The following ANKRD50 variants were observed in gnomAD, a reference collection of about 807,000 sequenced individuals.
The protein encoded by ANKRD50 is ankyrin repeat domain 50.
Under a neutral mutation model 112.0 loss-of-function variants are expected in ANKRD50, and 40 were observed. The observed-to-expected ratio is 0.36, with a 90% CI of 0.28 to 0.46. The LOEUF (loss-of-function observed/expected upper bound fraction) is 0.46, where lower values mean the gene tolerates loss of function less well. ANKRD50 is among the 20% of genes least tolerant of loss of function. ANKRD50 has a pLI of 1.00. For synonymous variants in ANKRD50, 613 were observed against 619.1 expected, an observed-to-expected ratio of 0.99 and a Z score of 0.15; for missense variants, 1,487 against 1,701.7, an observed-to-expected ratio of 0.87 and a Z score of 2.22.
At position 124,671,736 on chromosome 4, in the gene ANKRD50, G is replaced by A; in HGVS notation, c.1541C>T (p.Thr514Ile). 6.2e-7 allele frequency: 1 copy of A among 1,613,868 alleles called. No individual in the cohort carries two copies. Among genetic ancestry groups the A allele is most frequent in the Non-Finnish European group, 8.5e-7 (1 of 1,179,856 alleles). Residue 514 changes from threonine (T) to isoleucine (I), a missense_variant, in exon 4 of 5, where the codon ACA (threonine) becomes ATA (isoleucine). Thr to Ile is a moderately conservative substitution (Grantham distance 89, BLOSUM62 -1). This residue lies in a region of ANKRD50 where 1,046 missense variants were observed against 1,269.5 expected (regional missense o/e 0.82). Transcript: ENST00000504087. ...GAHVNSEDDR[T>I]SCIVRQALER... is the part of the protein sequence containing the mutation. ...TAAGGCTTGTCGAACTATGCATGAT[G>A]TGCGATCGTCTTCACTGTTGACATG...
chr4:124,684,313 A>G (rs1306938786), intron 2 of ANKRD50, among the ~76,000 whole-genome samples: 6 of 152,162 alleles, frequency 3.9e-5, no homozygotes, highest in South Asian at 2.1e-4. Flanking sequence ...AAGTCTCCTT[A>G]TGCGTCAGAG....
rs527730688 is a variant in ANKRD50 at position 124,685,642 on chromosome 4, C to T, written c.513-6737G>A. ...TTATCACAATCATACAAAGATAACA[C>T]TGTATTTAAAAGCAACGGTATTGTA... On this transcript the variant is annotated intron_variant, in intron 2 of 4. Transcript: ENST00000504087. Among the ~76,000 whole-genome samples, 3 of 151,964 alleles carry T rather than the reference C, an allele frequency of 2.0e-5. No homozygotes were observed. The South Asian group carries it at 6.2e-4, about 32-fold the overall frequency.
chr4:124,675,500 T>C (rs540455721), intron 3 of ANKRD50, among the ~76,000 whole-genome samples: 4 of 151,872 alleles, frequency 2.6e-5, no homozygotes, highest in African/African-American at 9.6e-5. Flanking sequence ...ACTGAAAGGT[T>C]TGTCAATGTT....
Position 124,672,303 on chromosome 4 carries a change from T to C in ANKRD50, c.974A>G (p.Asp325Gly). The C allele has an allele frequency of 1.2e-6, 2 of 1,613,542 alleles. No homozygotes were observed. The highest frequency in any genetic ancestry group is 1.7e-6 in the Non-Finnish European group (2 of 1,179,764). ...TAAACCATTTAGAGTTCCTGGGATG[T>C]CACGAATTTCTCTTAACATAATAAA... The part of the protein sequence containing the change: ...ENFIMLREIR[D>G]IPGTLNGLYL... Residue 325 changes from aspartate to glycine, a missense_variant, in exon 4 of 5, where the codon GAC (aspartate) becomes GGC (glycine). Around this residue, in one of 2 missense-constraint regions of ANKRD50, gnomAD observed 1,046 missense variants for 1,269.5 expected, o/e 0.82. Transcript: ENST00000504087.
intron 2 of ANKRD50, among the ~76,000 whole-genome samples, chr4:124,697,274 G>GT (rs1725275618): frequency 6.6e-6 from 1 of 152,132 alleles, no homozygotes; most frequent in Non-Finnish European, 1.5e-5. Context: ...TGAGCTTCAT[G>GT]TAAGAAGCAA....
intron 2 of ANKRD50, among the ~76,000 whole-genome samples, chr4:124,709,694 A>C (rs971159396): frequency 6.7e-6 from 1 of 150,198 alleles, no homozygotes; most frequent in African/African-American, 2.5e-5. Context: ...CAGACAGCTA[A>C]ATGTGCTTCT....
chr4:124,664,740 C>G lies in ANKRD50; in HGVS notation c.*2778G>C, dbSNP rs1278406274. 1 of 152,168 alleles carries G rather than the reference C, an allele frequency of 6.6e-6. No individual in the cohort carries two copies. The highest frequency in any genetic ancestry group is 1.5e-5 in the Non-Finnish European group (1 of 67,878). The allele number at this position is 152,168 out of a possible 1,614,324, so 9.4% of individuals were successfully genotyped here. A position where few individuals can be genotyped will look rare whatever the true frequency, so the allele number is the denominator to read the frequency against. On this transcript the variant is annotated 3_prime_UTR_variant, in exon 5 of 5. Coordinates refer to ENST00000504087, the MANE Select transcript of ANKRD50 (RefSeq NM_020337.3). ...AAAACAATATTGAGAAAAGTATTTA[C>G]TTCTGTTTTTTAAGTATCAAACTAT...
At position 124,671,801 on chromosome 4, in the gene ANKRD50, C is replaced by T. The variant is rs1293553270; in HGVS notation, c.1476G>A (p.Lys492=). ...VRDSLSTLIP[K]EQEVLQLLVK... ...CCAACAGCTGTAGCACTTCTTGTTC[C>T]TTGGGTATCAAAGTAGAAAGGGAAT... Residue 492 remains lysine (K), a synonymous_variant, in exon 4 of 5, where the codon AAG becomes AAA. Transcript: ENST00000504087. 1 of 1,613,728 alleles carries T rather than the reference C, an allele frequency of 6.2e-7. No homozygotes were observed. Among genetic ancestry groups the T allele is most frequent in the African/African-American group, 1.3e-5 (1 of 74,856 alleles).
At chr4:124,690,529 A>G (rs1560826893) in intron 2 of ANKRD50, among the ~76,000 whole-genome samples, 1 of 152,230 alleles carries the variant, frequency 6.6e-6, no homozygotes, top group Non-Finnish European at 1.5e-5. Flanking sequence ...GAAAAAATAG[A>G]TATTGGTAAT....
intron 2 of ANKRD50, among the ~76,000 whole-genome samples, chr4:124,682,160 C>CA (rs1397738708): frequency 2.0e-5 from 3 of 151,406 alleles, no homozygotes; most frequent in Non-Finnish European, 1.5e-5. Context: ...ACTAAAAATA[C>CA]AAAAAATTAG....
At position 124,669,084 on chromosome 4, in the gene ANKRD50, G is replaced by T. The variant is rs1367637752; in HGVS notation, c.4193C>A (p.Pro1398His). Residue 1398 changes from proline to histidine, a missense_variant, in exon 4 of 5, where the codon CCT becomes CAT. This residue lies in a region of ANKRD50 where 441 missense variants were observed against 432.2 expected (regional missense o/e 1.02). Transcript: ENST00000504087. ...AAGGCTTAATTCTGTCTCTGAGGAA[G>T]GGTATCCCTCCAACACTTCCTGATG... is the stretch of plus-strand genomic sequence containing the variant. ...RGHQEVLEGY[P>H]SSETELSLKQ... The T allele has an allele frequency of 6.2e-7, 1 of 1,613,394 alleles. No homozygotes were observed. Among genetic ancestry groups the T allele is most frequent in the Non-Finnish European group, 8.5e-7 (1 of 1,179,690 alleles).
chr4:124,687,810 G>C (rs1483386912), intron 2 of ANKRD50, among the ~76,000 whole-genome samples: 1 of 152,170 alleles, frequency 6.6e-6, no homozygotes, highest in African/African-American at 2.4e-5. Context: ...ACCACAGTGT[G>C]ATACCACTAG....
intron 2 of ANKRD50, among the ~76,000 whole-genome samples, chr4:124,703,662 T>C (rs138693311): frequency 6.6e-6 from 1 of 150,800 alleles, no homozygotes. Context: ...CTGTCAAAAT[T>C]TCCAGGTTTT....
chr4:124,707,131 A>T (rs914037541), intron 2 of ANKRD50, among the ~76,000 whole-genome samples: 32 of 152,092 alleles, frequency 2.1e-4, no homozygotes, highest in African/African-American at 6.8e-4. Context: ...CAAAAGCGAA[A>T]AATAAATATT....
chr4:124,669,071 T>C lies in ANKRD50; in HGVS notation c.4206A>G (p.Thr1402=). ...TCAGAGCTTGTTTAAGGCTTAATTCTGTCTCTGAGGAAGGGTATCCCTCCA... is the reference window on the plus strand; with the variant it reads ...TCAGAGCTTGTTTAAGGCTTAATTCCGTCTCTGAGGAAGGGTATCCCTCCA... The part of the protein sequence containing the change: ...EVLEGYPSSE[T]ELSLKQALKL... The change falls in exon 4 of 5, where the codon ACA becomes ACG. Residue 1402 remains threonine (T), a synonymous_variant. Coordinates refer to ENST00000504087, the MANE Select transcript of ANKRD50 (RefSeq NM_020337.3). 1 of 1,613,508 alleles carries C rather than the reference T, an allele frequency of 6.2e-7. No individual in the cohort carries two copies. The highest frequency in any genetic ancestry group is 8.5e-7 in the Non-Finnish European group (1 of 1,179,698).
In ANKRD50 at chr4:124,678,817, T is replaced by C; in HGVS notation, c.601A>G (p.Thr201Ala). ...CTGGTAGACGTTTGTTCACCTTCAG[T>C]AATGTTACACCCTTCATCAACAGAA... ...VDSVDEGCNI[T>A]EGEQTSTSLS... Residue 201 changes from threonine to alanine, a missense_variant, in exon 3 of 5, where the codon ACT becomes GCT. By Grantham distance (58) the Thr-to-Ala change is moderately conservative. Around this residue, in one of 2 missense-constraint regions of ANKRD50, gnomAD observed 1,046 missense variants for 1,269.5 expected, o/e 0.82. Transcript: ENST00000504087. The C allele has an allele frequency of 6.2e-7, 1 of 1,613,866 alleles. No homozygotes were observed. The highest frequency in any genetic ancestry group is 1.1e-5 in the South Asian group (1 of 91,074).
Position 124,669,283 on chromosome 4 carries a change from T to C in ANKRD50, c.3994A>G (p.Ile1332Val). ...CCAATTTCCTGCTGAGCTGAAGGTA[T>C]CATAATTTTGCATTGAGATTCTGCT... ...MPAESQCKIM[I>V]PSAQQEIGRS... Residue 1332 changes from isoleucine to valine, a missense_variant, in exon 4 of 5, where the codon ATA (isoleucine) becomes GTA (valine). Ile to Val is a conservative substitution (Grantham distance 29, BLOSUM62 3). Coordinates refer to ENST00000504087, the MANE Select transcript of ANKRD50 (RefSeq NM_020337.3). 6.2e-7 allele frequency: 1 copy of C among 1,613,834 alleles called. No individual in the cohort carries two copies. The highest frequency in any genetic ancestry group is 1.3e-5 in the African/African-American group (1 of 75,012).
intron 2 of ANKRD50, among the ~76,000 whole-genome samples, chr4:124,698,365 GTA>G (rs1180165564): frequency 6.6e-6 from 1 of 151,646 alleles, no homozygotes; most frequent in Non-Finnish European, 1.5e-5. Context: ...ACGTGTGTGT[GTA>G]TATATATGTT....
intron 2 of ANKRD50, among the ~76,000 whole-genome samples, chr4:124,701,997 C>T (rs978807488): frequency 1.3e-5 from 2 of 152,120 alleles, no homozygotes; most frequent in African/African-American, 4.8e-5. Context: ...GTCTACTGTT[C>T]ATATAAAGGT....
Sources: gnomAD v4.1 joint callset for allele counts (sites outside exome capture counted in the v4.1 genomes callset) on GRCh38, gnomAD v4.1.1 for gene constraint, gnomAD v4.1.1 regional missense constraint, MANE v1.5 for transcripts, NCBI Gene and HGNC (gene_info 2026-07-23, HGNC 2026-07-21) for gene names.